PRKAG2: variants seen among roughly 807,000 people sequenced by gnomAD.
PRKAG2 encodes the protein protein kinase AMP-activated non-catalytic subunit gamma 2.
In PRKAG2, 26 loss-of-function variants were observed where a neutral mutation model predicts 69.6. The observed-to-expected ratio is 0.37, with a 90% CI of 0.27 to 0.52. The LOEUF is 0.52. Among genes scored for constraint, PRKAG2 ranks in the 20% least tolerant of loss-of-function variants. The pLI is 0.90. For missense variants in PRKAG2, 557 were observed against 740.0 expected, an observed-to-expected ratio of 0.75 and a Z score of 2.87; for synonymous variants, 293 against 285.0, an observed-to-expected ratio of 1.03 and a Z score of -0.28.
chr7:151,785,523 C>T (rs1038007030), intron 2 of PRKAG2, among the ~76,000 whole-genome samples: 1 of 152,224 alleles, frequency 6.6e-6, no homozygotes, highest in Non-Finnish European at 1.5e-5. Flanking sequence ...CCCCACAGGC[C>T]GACACCAATT....
At chr7:151,741,802 A>T (rs748128705) in intron 3 of PRKAG2, among the ~76,000 whole-genome samples, 2 of 152,222 alleles carry the variant, frequency 1.3e-5, no homozygotes, top group Non-Finnish European at 2.9e-5. Flanking sequence ...ATGGTCATTC[A>T]TTCAACAGGT....
Position 151,777,486 on chromosome 7 carries a change from CTCT to C in PRKAG2, c.466+3663_466+3665del, listed in dbSNP as rs1563650480. ...CCTCCCTGCGGCAGTGAGTCCTGCTCTCTTAGCTGGGTGCTTTAAAGACTCCAG... is the reference window on the plus strand; with the variant it reads ...CCTCCCTGCGGCAGTGAGTCCTGCTCTAGCTGGGTGCTTTAAAGACTCCAG... On this transcript the variant is annotated intron_variant, in intron 3 of 15. Coordinates refer to ENST00000287878, the MANE Select transcript of PRKAG2 (RefSeq NM_016203.4). The surrounding 1 kb of genome is among the most constrained non-coding windows in gnomAD (Gnocchi z 4.3). Among the ~76,000 whole-genome samples the C allele has an allele frequency of 6.6e-5, 10 of 152,184 alleles. No homozygotes were observed. Among genetic ancestry groups the C allele is most frequent in the Admixed American group, 3.9e-4 (6 of 15,290 alleles).
At chr7:151,665,254 G>C (rs1830875018) in intron 4 of PRKAG2, among the ~76,000 whole-genome samples, 1 of 152,138 alleles carries the variant, frequency 6.6e-6, no homozygotes, top group African/African-American at 2.4e-5. Flanking sequence ...GAACAAGTGA[G>C]TCCCCTCATG....
intron 4 of PRKAG2, among the ~76,000 whole-genome samples, chr7:151,658,193 ATAAG>A (rs1169609053): frequency 9.5e-4 from 140 of 147,666 alleles, no homozygotes; most frequent in African/African-American, 1.1e-3. Context: ...AAATAAATAA[ATAAG>A]AATAATAGGG....
chr7:151,563,640 C>T (rs568664932), intron 14 of PRKAG2, among the ~76,000 whole-genome samples: 8 of 152,272 alleles, frequency 5.3e-5, no homozygotes, highest in Non-Finnish European at 8.8e-5. Flanking sequence ...AGTGCAGTGG[C>T]ACCGCCACAG....
intron 1 of PRKAG2, among the ~76,000 whole-genome samples, chr7:151,875,562 G>GGTGTGTGTGTGT (rs55660204): frequency 0.013 from 1,668 of 131,208 alleles, 18 homozygotes; most frequent in East Asian, 0.03. Flanking sequence ...GGAGCACTCT[G>GGTGTGTGTGTGT]GTGTGTGTGT....
chr7:151,824,383 G>C (rs1387174855), intron 1 of PRKAG2, among the ~76,000 whole-genome samples: 1 of 152,216 alleles, frequency 6.6e-6, no homozygotes, highest in Non-Finnish European at 1.5e-5. Context: ...TGCTGCTTGT[G>C]TTAACATCAA....
Position 151,665,764 on chromosome 7 carries a change from G to C in PRKAG2, c.684+9656C>G, listed in dbSNP as rs73481952. On this transcript the variant is annotated intron_variant, in intron 4 of 15. Transcript: ENST00000287878. The stretch of plus-strand genomic sequence containing the variant: ...CATCAAGACCTGATGAGGTTGTAAG[G>C]GTATTTAAAATGGCAGTCAGGAATA... Among the ~76,000 whole-genome samples the C allele has an allele frequency of 9.9e-3, 1,501 of 152,182 alleles. 24 individuals are homozygous for C. The highest frequency in any genetic ancestry group is 0.035 in the African/African-American group (1,433 of 41,502).
At chr7:151,760,248 T>C (rs962204731) in intron 3 of PRKAG2, among the ~76,000 whole-genome samples, 1 of 70,890 alleles carries the variant, frequency 1.4e-5, no homozygotes, top group African/African-American at 7.1e-5. Flanking sequence ...TGTTTGTTTA[T>C]TGTTTTTGAA....
chr7:151,641,304 G>A (rs182797456), intron 4 of PRKAG2, among the ~76,000 whole-genome samples: 25 of 146,244 alleles, frequency 1.7e-4, no homozygotes, highest in Non-Finnish European at 1.5e-5. Flanking sequence ...CTGGAGTGCA[G>A]TGGCACGATC....
At chr7:151,801,522 C>G (rs2077837709) in intron 1 of PRKAG2, among the ~76,000 whole-genome samples, 1 of 152,202 alleles carries the variant, frequency 6.6e-6, no homozygotes, top group Non-Finnish European at 1.5e-5. Flanking sequence ...CTGGGGGACC[C>G]CTCACAGGGC....
intron 1 of PRKAG2, chr7:151,810,456 C>T (rs1014191078): frequency 1.3e-5 from 2 of 152,314 alleles, no homozygotes; most frequent in African/African-American, 4.8e-5. Flanking sequence ...GAGCCCATGA[C>T]CAAAAAGAAA....
chr7:151,724,098 A>C (rs1316872140), intron 3 of PRKAG2, among the ~76,000 whole-genome samples: 1 of 151,936 alleles, frequency 6.6e-6, no homozygotes, highest in Non-Finnish European at 1.5e-5. Context: ...GGAGCACCAT[A>C]CCTTTGCCCT....
At chr7:151,637,337 T>A (rs577744298) in intron 4 of PRKAG2, among the ~76,000 whole-genome samples, 1 of 152,356 alleles carries the variant, frequency 6.6e-6, no homozygotes, top group Non-Finnish European at 1.5e-5. Context: ...AAAAAAATTC[T>A]TACCGGTGTT....
chr7:151,635,104 C>T (rs915217973), intron 4 of PRKAG2, among the ~76,000 whole-genome samples: 6 of 152,050 alleles, frequency 3.9e-5, no homozygotes, highest in African/African-American at 1.2e-4. Flanking sequence ...CACATGCTAC[C>T]ACAGGTCAGC....
intron 7 of PRKAG2, 100 bp from the exon 8 acceptor site, chr7:151,575,049 A>G: frequency 1.3e-6 from 2 of 1,483,518 alleles, no homozygotes; most frequent in East Asian, 2.3e-5. Context: ...AGAGCTTATA[A>G]AATATACTTC....
rs1034675057 is a variant in PRKAG2, at chr7:151,632,213, C to G, written c.685-75G>C. The G allele has an allele frequency of 9.6e-6, 11 of 1,143,732 alleles. No homozygotes were observed. In the African/African-American group the frequency reaches 1.1e-4, roughly 12 times the overall value. 70.8% of individuals were successfully genotyped at this position (1,143,732 alleles called of 1,614,324 possible). ...CCCGGCCGGCGGGCTCGCGGCCGGC[C>G]GAGCGCTGGGGCCTGGCTCTGCCGC... On this transcript the variant is annotated intron_variant, in intron 4 of 15. Coordinates refer to ENST00000287878, the MANE Select transcript of PRKAG2 (RefSeq NM_016203.4). The surrounding 1 kb of genome is among the most constrained non-coding windows in gnomAD (Gnocchi z 4.2).
intron 1 of PRKAG2, among the ~76,000 whole-genome samples, chr7:151,833,097 C>T (rs2079074459): frequency 6.6e-6 from 1 of 152,152 alleles, no homozygotes; most frequent in Admixed American, 6.5e-5. Context: ...AGTGGAGAGG[C>T]GCATGTCAAA....
At chr7:151,742,632 A>G (rs1171722043) in intron 3 of PRKAG2, among the ~76,000 whole-genome samples, 1 of 150,222 alleles carries the variant, frequency 6.7e-6, no homozygotes, top group African/African-American at 2.5e-5. Flanking sequence ...TCACAAAAAA[A>G]AAAAAAATAA....
Sources: allele counts gnomAD v4.1 joint callset (sites outside exome capture counted in the v4.1 genomes callset), GRCh38; gene constraint gnomAD v4.1.1; non-coding constraint Gnocchi (gnomAD v3.1); transcripts MANE v1.5; gene names NCBI Gene and HGNC (gene_info 2026-07-23, HGNC 2026-07-21).